The following LIMK1 variants were observed in gnomAD, a reference collection of about 807,000 sequenced individuals.
LIMK1 encodes LIM domain kinase 1, also known as LIM motif-containing protein kinase.
A neutral mutation model predicts 77.6 loss-of-function variants in LIMK1; 21 were observed. That is an observed-to-expected ratio of 0.27 (90% CI 0.19 to 0.39). The LOEUF (loss-of-function observed/expected upper bound fraction) is 0.39. LIMK1 is among the 10% of genes least tolerant of loss of function. LIMK1 has a pLI of 1.00. For synonymous variants in LIMK1, 358 were observed against 370.0 expected (o/e 0.97, Z 0.37); for missense variants, 696 against 901.6 (o/e 0.77, Z 2.92).
chr7:74,109,789 T>A (rs145198365), intron 10 of LIMK1: 326 of 152,556 alleles, frequency 2.1e-3, no homozygotes, highest in Middle Eastern at 0.01. Context: ...GAGCCTGCAG[T>A]GAGCCAAGAT....
rs912962958 is a variant in LIMK1, at chr7:74,108,981, A to C, written c.1229A>C (p.Asn410Thr). The C allele has an allele frequency of 3.1e-6, 5 of 1,613,986 alleles. No individual in the cohort carries two copies. The African/African-American group carries it at 6.7e-5, about 22-fold the overall frequency. The change falls in exon 10 of 16, where the codon AAC (asparagine) becomes ACC (threonine). Residue 410 changes from asparagine to threonine, a missense_variant. Physicochemically the swap from Asn to Thr is moderately conservative, Grantham distance 65. Around this residue, in one of 3 missense-constraint regions of LIMK1, gnomAD observed 438 missense variants for 602.3 expected, o/e 0.73. Coordinates refer to ENST00000336180, the MANE Select transcript of LIMK1 (RefSeq NM_002314.4). ...IGVLYKDKRL[N>T]FITEYIKGGT... The stretch of plus-strand genomic sequence containing the variant: ...GTGCTCTACAAGGACAAGAGGCTCA[A>C]CTTCATCACTGAGTACATCAAGGGC...
At chr7:74,091,350 T>TC (rs1443188545) in intron 2 of LIMK1, among the ~76,000 whole-genome samples, 4 of 151,932 alleles carry the variant, frequency 2.6e-5, no homozygotes, top group Non-Finnish European at 5.9e-5. Context: ...ATAGTGAGAC[T>TC]CCATCTCTAC....
At chr7:74,101,799 G>C (rs1554696605) in intron 5 of LIMK1, among the ~76,000 whole-genome samples, 2 of 70,012 alleles carry the variant, frequency 2.9e-5, no homozygotes, top group African/African-American at 1.3e-4. Flanking sequence ...ACATATGTAT[G>C]TCATATATAT....
At chr7:74,113,942 C>T (rs758427243) in intron 12 of LIMK1, among the ~76,000 whole-genome samples, 11 of 151,012 alleles carry the variant, frequency 7.3e-5, no homozygotes, top group African/African-American at 2.7e-4. Flanking sequence ...GGCAACAGAG[C>T]GAGCCCCTGT....
chr7:74,098,991 C>A, intron 4 of LIMK1, 41 bp from the exon 5 acceptor site: 2 of 1,525,478 alleles, frequency 1.3e-6, no homozygotes, highest in South Asian at 1.1e-5. Flanking sequence ...ATTGATGACG[C>A]CCTTGACACT....
intron 2 of LIMK1, among the ~76,000 whole-genome samples, chr7:74,089,592 C>G (rs1456015363): frequency 6.6e-6 from 1 of 152,144 alleles, no homozygotes; most frequent in Non-Finnish European, 1.5e-5. Context: ...CTGAAGCCAT[C>G]TGGTTTTCTA....
chr7:74,105,568 A>G (rs1554697230), intron 5 of LIMK1, among the ~76,000 whole-genome samples: 1 of 151,942 alleles, frequency 6.6e-6, no homozygotes, highest in African/African-American at 2.4e-5. Flanking sequence ...TTGGAAGGAT[A>G]GATCTGTTCC....
At chr7:74,112,402 G>A (rs1240041248) in intron 12 of LIMK1, among the ~76,000 whole-genome samples, 1 of 152,184 alleles carries the variant, frequency 6.6e-6, no homozygotes, top group African/African-American at 2.4e-5. Flanking sequence ...CGTATGGGCT[G>A]GAGTGGTCAG....
intron 5 of LIMK1, among the ~76,000 whole-genome samples, chr7:74,099,586 C>T (rs1327161161): frequency 1.3e-5 from 2 of 151,894 alleles, no homozygotes; most frequent in Non-Finnish European, 2.9e-5. Flanking sequence ...CAAACGTAGC[C>T]AGGCATGGTA....
intron 6 of LIMK1, 36 bp downstream of exon 6, chr7:74,106,016 A>T: frequency 1.2e-6 from 2 of 1,609,942 alleles, no homozygotes; most frequent in Non-Finnish European, 1.7e-6. Context: ...GACGGGAGGT[A>T]GTGCCTTCAT....
intron 1 of LIMK1, 93 bp downstream of exon 1, chr7:74,084,138 CG>C: frequency 1.8e-6 from 1 of 565,502 alleles, no homozygotes; most frequent in Non-Finnish European, 2.9e-6. Context: ...CAGGAGGCCG[CG>C]CCCCTGCCTC....
At chr7:74,109,079 G>T (rs782456989) in intron 10 of LIMK1, 43 bp downstream of exon 10, 2 of 1,481,912 alleles carry the variant, frequency 1.3e-6, no homozygotes, top group Admixed American at 1.9e-5. Context: ...GTGCGGCCCC[G>T]GGCAAAGCAG....
rs781897912 is a variant in LIMK1, at chr7:74,097,172, G to A, written c.384G>A (p.Glu128=). ...ACGGGGACACCTACACGCTGGTGGA[G>A]CACTCCAAGCTGTACTGGTGAGTGC... ...IGDGDTYTLV[E]HSKLYCGHCY... Residue 128 remains glutamate, a synonymous_variant, in exon 4 of 16, where the codon GAG becomes GAA. Transcript: ENST00000336180. 46 of 1,610,832 alleles carry A rather than the reference G, an allele frequency of 2.9e-5. No individual in the cohort carries two copies. Among genetic ancestry groups the A allele is most frequent in the Non-Finnish European group, 3.8e-5 (45 of 1,178,850 alleles).
chr7:74,087,959 G>A (rs958413692), intron 2 of LIMK1, among the ~76,000 whole-genome samples: 5 of 151,916 alleles, frequency 3.3e-5, no homozygotes, highest in Non-Finnish European at 5.9e-5. Context: ...CCAGGCTGGC[G>A]TGCAGTGGTG....
Position 74,108,487 on chromosome 7 carries a change from A to G in LIMK1, c.1153-418A>G, listed in dbSNP as rs1158956792. Reference sequence around the variant, plus strand: ...TGGCAAAACCCCGTCTCTACTAAAAATACAAAAATTAGCCCAGCATGATGG... The same window carrying G: ...TGGCAAAACCCCGTCTCTACTAAAAGTACAAAAATTAGCCCAGCATGATGG... On this transcript the variant is annotated intron_variant, in intron 9 of 15. Transcript: ENST00000336180. 2.6e-5 allele frequency among the ~76,000 whole-genome samples: 4 copies of G among 152,058 alleles called. No homozygotes were observed. The East Asian group carries it at 7.7e-4, about 29-fold the overall frequency.
chr7:74,114,767 T>C (rs1206612805), intron 12 of LIMK1, among the ~76,000 whole-genome samples: 1 of 151,298 alleles, frequency 6.6e-6, no homozygotes. Flanking sequence ...TACAAAAAAT[T>C]AGCTGGGCAT....
At chr7:74,088,391 G>A (rs184359656) in intron 2 of LIMK1, among the ~76,000 whole-genome samples, 89 of 152,286 alleles carry the variant, frequency 5.8e-4, no homozygotes, top group African/African-American at 1.8e-3. Flanking sequence ...GGGATGGTGC[G>A]GACTGCTGAG....
chr7:74,109,962 G>C (rs1799662021), intron 10 of LIMK1: 1 of 152,218 alleles, frequency 6.6e-6, no homozygotes, highest in South Asian at 2.1e-4. Flanking sequence ...ATCTTCCTCA[G>C]GTTGGATTAC....
chr7:74,112,381 G>C (rs1799717442), intron 12 of LIMK1, among the ~76,000 whole-genome samples: 1 of 152,166 alleles, frequency 6.6e-6, no homozygotes, highest in African/African-American at 2.4e-5. Context: ...GCCACAGAGT[G>C]GGGGCATAGG....
Sources: gnomAD v4.1 joint callset for allele counts (sites outside exome capture counted in the v4.1 genomes callset) on GRCh38, gnomAD v4.1.1 for gene constraint, gnomAD v4.1.1 regional missense constraint, MANE v1.5 for transcripts, NCBI Gene and HGNC (gene_info 2026-07-23, HGNC 2026-07-21) for gene names.